LY9: variants seen among roughly 807,000 people sequenced by gnomAD.
LY9 encodes lymphocyte antigen 9.
Under a neutral mutation model 64.6 loss-of-function variants are expected in LY9, and 59 were observed. The observed-to-expected ratio is 0.91, with a 90% confidence interval of 0.74 to 1.13. The LOEUF is 1.13. Among genes scored for constraint, LY9 ranks in the 50% most tolerant of loss-of-function variants. The probability of loss-of-function intolerance (pLI) is 0.00; values close to 1 mark genes in which losing one functional copy is unlikely to be tolerated. For missense variants in LY9, 789 were observed against 797.2 expected, an observed-to-expected ratio of 0.99 and a Z score of 0.12; for synonymous variants, 281 against 308.5, an observed-to-expected ratio of 0.91 and a Z score of 0.93.
chr1:160,824,396 A>G, intron 9 of LY9, 147 bp downstream of exon 9: 1 of 1,430,808 alleles, frequency 7.0e-7, no homozygotes, highest in Admixed American at 2.9e-5. Flanking sequence ...TCCATGGTCA[A>G]CAGAGATGCA....
intron 2 of LY9, chr1:160,811,340 G>A (rs1667458152): frequency 6.6e-6 from 1 of 152,216 alleles, no homozygotes; most frequent in African/African-American, 2.4e-5. Flanking sequence ...TTCTGCTGAG[G>A]TGGTCAAATC....
At chr1:160,801,223 A>G (rs1666444777) in intron 2 of LY9, among the ~76,000 whole-genome samples, 1 of 152,066 alleles carries the variant, frequency 6.6e-6, no homozygotes, top group Admixed American at 6.6e-5. Context: ...CATCCTGCCA[A>G]CATGTGGTTA....
At chr1:160,802,656 C>T (rs1224795989) in intron 2 of LY9, 1 of 985,346 alleles carries the variant, frequency 1.0e-6, no homozygotes, top group Non-Finnish European at 1.2e-6. Context: ...TGCTGCTTTC[C>T]TCAGCCTCCC....
chr1:160,809,530 A>T (rs1192862739), intron 2 of LY9, among the ~76,000 whole-genome samples: 1 of 151,694 alleles, frequency 6.6e-6, no homozygotes, highest in African/African-American at 2.4e-5. Context: ...TTTATTTATT[A>T]TTATTTTATT....
intron 7 of LY9, among the ~76,000 whole-genome samples, chr1:160,821,646 C>A (rs1049425827): frequency 3.3e-5 from 5 of 152,220 alleles, no homozygotes; most frequent in African/African-American, 1.2e-4. Context: ...TGGCCTTTGT[C>A]TGTTCAAAAG....
At chr1:160,823,390 G>C in intron 7 of LY9, 75 bp from the exon 8 acceptor site, 1 of 1,156,454 alleles carries the variant, frequency 8.6e-7, no homozygotes, top group South Asian at 1.5e-5. Flanking sequence ...ATCAGAGCAG[G>C]CTGGGGCCTT....
chr1:160,817,066 T>G (rs183804359), intron 5 of LY9, among the ~76,000 whole-genome samples: 1 of 152,334 alleles, frequency 6.6e-6, no homozygotes, highest in Non-Finnish European at 1.5e-5. Flanking sequence ...AGAAATAAAG[T>G]TATTTTAATA....
At position 160,816,458 on chromosome 1, in the gene LY9, A is replaced by G; in HGVS notation, c.1073-136A>G. 2.1e-5 allele frequency: 20 copies of G among 967,818 alleles called. No individual in the cohort carries two copies. The South Asian group carries it at 3.3e-4, about 16-fold the overall frequency. The allele number at this position is 967,818 out of a possible 1,614,324, so 60.0% of individuals were successfully genotyped here. On this transcript the variant is annotated intron_variant, in intron 4 of 9. Coordinates refer to ENST00000263285, the MANE Select transcript of LY9 (RefSeq NM_002348.4). ...AGGAAAATGCCAGGTATACTCCAAA[A>G]TTCCTGTGGCTCCTGGAGGCACTTT...
In LY9 at chr1:160,802,201, C is replaced by A. The variant is rs539576173; in HGVS notation, c.454+2119C>A. ...TGTGCCAGTGGGGTTTGTGCTTGGT[C>A]TTTCTCCGCTTGGATTTGCTTATTT... On this transcript the variant is annotated intron_variant, in intron 2 of 9. Coordinates refer to ENST00000263285, the MANE Select transcript of LY9 (RefSeq NM_002348.4). The A allele has an allele frequency of 3.1e-5, 36 of 1,172,816 alleles. No homozygotes were observed. The East Asian group carries it at 1.4e-3, about 45-fold the overall frequency. 72.7% of individuals were successfully genotyped at this position (1,172,816 alleles called of 1,614,324 possible).
intron 1 of LY9, 78 bp downstream of exon 1, chr1:160,796,389 C>CTT (rs3831924): frequency 1.9e-4 from 264 of 1,415,440 alleles, no homozygotes; most frequent in Middle Eastern, 2.6e-4. Context: ...CTGGGAGATT[C>CTT]TTTTTTTTGT....
Position 160,827,801 on chromosome 1 carries a change from T to A in LY9, c.1953T>A (p.Tyr651Ter). 1 of 1,607,558 alleles carries A rather than the reference T, an allele frequency of 6.2e-7. No homozygotes were observed. The highest frequency in any genetic ancestry group is 8.5e-7 in the Non-Finnish European group (1 of 1,177,162). The change falls in exon 10 of 10, where the codon TAT becomes TAA. Residue 651 changes from tyrosine (Y) to a stop codon, truncating the protein, a stop_gained. Transcript: ENST00000263285. LOFTEE classifies it high-confidence loss of function. ...TTGAGATTCCTGAAAGTCCTACCTATGAAAATTTCACCTGAAAGGAAAAGC... is the reference window on the plus strand; with the variant it reads ...TTGAGATTCCTGAAAGTCCTACCTAAGAAAATTTCACCTGAAAGGAAAAGC... ...NDLEIPESPT[Y>*]ENFT
intron 2 of LY9, chr1:160,809,964 C>G (rs1288934791): frequency 6.6e-6 from 1 of 152,238 alleles, no homozygotes; most frequent in African/African-American, 2.4e-5. Context: ...ACTGCAACCT[C>G]CACCTTCTGA....
intron 2 of LY9, chr1:160,810,045 A>T (rs994065853): frequency 6.6e-6 from 1 of 151,708 alleles, no homozygotes; most frequent in African/African-American, 2.4e-5. Flanking sequence ...TGCCTGGCTA[A>T]TTTTTGTATT....
At chr1:160,797,312 GT>G in intron 1 of LY9, 1 of 984,524 alleles carries the variant, frequency 1.0e-6, no homozygotes, top group Non-Finnish European at 1.2e-6. Flanking sequence ...GGGGTTGGCA[GT>G]TGGTGCCTGA....
In LY9 at chr1:160,806,353, A is replaced by C. The variant is rs140965997; in HGVS notation, c.454+6271A>C. Reference sequence around the variant, plus strand: ...TGTGATTGCTTTACAAATGAGTTTTATACTTCTGTGTGTTTCCATCATGGT... The same window carrying C: ...TGTGATTGCTTTACAAATGAGTTTTCTACTTCTGTGTGTTTCCATCATGGT... On this transcript the variant is annotated intron_variant, in intron 2 of 9. Coordinates refer to ENST00000263285, the MANE Select transcript of LY9 (RefSeq NM_002348.4). 1.1e-4 allele frequency among the ~76,000 whole-genome samples: 16 copies of C among 152,174 alleles called. 1 individual carries two copies. In the East Asian group the frequency reaches 3.1e-3, roughly 29 times the overall value.
intron 2 of LY9, chr1:160,810,756 T>G (rs1376611282): frequency 6.6e-6 from 1 of 152,168 alleles, no homozygotes; most frequent in African/African-American, 2.4e-5. Flanking sequence ...CCAAAATCCA[T>G]CTAAATATTA....
chr1:160,804,518 G>A (rs938081422), intron 2 of LY9, among the ~76,000 whole-genome samples: 1 of 152,156 alleles, frequency 6.6e-6, no homozygotes, highest in African/African-American at 2.4e-5. Context: ...TTGCATCTAT[G>A]TTCATCAGGA....
intron 9 of LY9, 80 bp from the exon 10 acceptor site, chr1:160,827,668 G>C (rs989349623): frequency 3.2e-5 from 36 of 1,108,308 alleles, no homozygotes; most frequent in Admixed American, 1.8e-4. Context: ...GTCATAGCCT[G>C]GCCTTGCCTT....
At position 160,813,926 on chromosome 1, in the gene LY9, C is replaced by A. The variant is rs753247495; in HGVS notation, c.730+15C>A. On this transcript the variant is annotated intron_variant, in intron 3 of 9. Coordinates refer to ENST00000263285, the MANE Select transcript of LY9 (RefSeq NM_002348.4). Reference sequence around the variant, plus strand: ...GTTCTGTACAGGTAACTGGCTCCAACTTGGCCCTTGAGGGAATTCCAGAAA... The same window carrying A: ...GTTCTGTACAGGTAACTGGCTCCAAATTGGCCCTTGAGGGAATTCCAGAAA... 15 of 1,605,998 alleles carry A rather than the reference C, an allele frequency of 9.3e-6. 1 individual carries two copies. The East Asian group carries it at 1.6e-4, about 17-fold the overall frequency.
Sources: allele counts gnomAD v4.1 joint callset (sites outside exome capture counted in the v4.1 genomes callset), GRCh38; gene constraint gnomAD v4.1.1; transcripts MANE v1.5; gene names NCBI Gene and HGNC (gene_info 2026-07-23, HGNC 2026-07-21).